Variants in B3GALT1 observed in about 807,000 individuals in gnomAD.
B3GALT1 encodes the protein UDP-Gal:betaGlcNAc beta 1,3-galactosyltransferase, polypeptide 1.
Under a neutral mutation model 23.2 loss-of-function variants are expected in B3GALT1, and 10 were observed. The ratio of observed to expected loss-of-function variants is 0.43; its 90% confidence interval spans 0.27 to 0.73. B3GALT1 has a LOEUF of 0.73. Among genes scored for constraint, B3GALT1 ranks in the 30% least tolerant of loss-of-function variants. B3GALT1 has a pLI of 0.21. For synonymous variants in B3GALT1, 156 were observed against 141.5 expected (o/e 1.10, Z -0.73); for missense variants, 299 against 405.4 (o/e 0.74, Z 2.25).
chr2:167,680,041 T>C (rs570536186), intron 3 of B3GALT1, among the ~76,000 whole-genome samples: 2 of 152,302 alleles, frequency 1.3e-5, no homozygotes, highest in African/African-American at 4.8e-5. Context: ...CTAAGTTACT[T>C]TTTTTTCCAC....
intron 1 of B3GALT1, among the ~76,000 whole-genome samples, chr2:167,475,534 G>A (rs1699474171): frequency 6.6e-6 from 1 of 151,926 alleles, no homozygotes; most frequent in Admixed American, 6.6e-5. Flanking sequence ...TGTGAAGAAG[G>A]AAAAAGAAAT....
At chr2:167,651,236 T>TTGTG (rs747590317) in intron 3 of B3GALT1, among the ~76,000 whole-genome samples, 33 of 89,410 alleles carry the variant, frequency 3.7e-4, no homozygotes, top group Middle Eastern at 4.6e-3. Flanking sequence ...AGCAGAAAGG[T>TTGTG]TGTGTGTGTG....
At chr2:167,644,770 A>G (rs74171267) in intron 2 of B3GALT1, among the ~76,000 whole-genome samples, 178 of 116,170 alleles carry the variant, frequency 1.5e-3, no homozygotes, top group Non-Finnish European at 2.5e-3. Context: ...ACAGAGTGAG[A>G]CTCTGTCTTA....
chr2:167,830,051 G>GTTT, intron 4 of B3GALT1, among the ~76,000 whole-genome samples: 1 of 152,182 alleles, frequency 6.6e-6, no homozygotes, highest in Admixed American at 6.5e-5. Context: ...TAAAAGCAGT[G>GTTT]TTTTCCTCAC....
chr2:167,622,197 C>T (rs1324778503), intron 2 of B3GALT1, among the ~76,000 whole-genome samples: 2 of 152,064 alleles, frequency 1.3e-5, no homozygotes, highest in African/African-American at 4.8e-5. Flanking sequence ...GGAAATTGAA[C>T]CACTTTAGCC....
chr2:167,683,618 G>A (rs892483771), intron 3 of B3GALT1, among the ~76,000 whole-genome samples: 25 of 152,168 alleles, frequency 1.6e-4, no homozygotes, highest in Non-Finnish European at 2.8e-4. Context: ...CTACTCAGGA[G>A]GCTGAGATGG....
In B3GALT1 at chr2:167,565,199, G is replaced by T. The variant is rs553217086; in HGVS notation, c.-410+74922G>T. 2.6e-5 allele frequency among the ~76,000 whole-genome samples: 4 copies of T among 152,200 alleles called. No homozygotes were observed. In the South Asian group the frequency reaches 6.2e-4, roughly 24 times the overall value. On this transcript the variant is annotated intron_variant, in intron 2 of 4. Transcript: ENST00000392690. ...ACAGAACAGAGCCCTCAGAAATAAT[G>T]CTGCATATCTACAACTATCTGATCT...
Position 167,627,954 on chromosome 2 carries a change from A to G in B3GALT1, c.-409-18955A>G, listed in dbSNP as rs527247900. ...AATTTGCATTCCTCTGCTGACTGAT[A>G]ATTTTGAATGACGTTTGATGTGCTT... On this transcript the variant is annotated intron_variant, in intron 2 of 4. Transcript: ENST00000392690. Among the ~76,000 whole-genome samples, 12 of 151,700 alleles carry G rather than the reference A, an allele frequency of 7.9e-5. No individual in the cohort carries two copies. The South Asian group carries it at 2.5e-3, about 31-fold the overall frequency.
chr2:167,837,620 A>G (rs1689510819), intron 4 of B3GALT1, among the ~76,000 whole-genome samples: 2 of 150,780 alleles, frequency 1.3e-5, no homozygotes, highest in South Asian at 4.2e-4. Context: ...CAGATCAACG[A>G]GACAGAAAGT....
At chr2:167,812,996 ACCCCC>A (rs59345832) in intron 3 of B3GALT1, among the ~76,000 whole-genome samples, 5 of 70,490 alleles carry the variant, frequency 7.1e-5, no homozygotes, top group East Asian at 1.4e-3. Context: ...CACCACCCCC[ACCCCC>A]CCCCACACAG....
intron 2 of B3GALT1, among the ~76,000 whole-genome samples, chr2:167,637,706 T>C (rs540388291): frequency 7.2e-5 from 11 of 152,124 alleles, no homozygotes; most frequent in South Asian, 2.1e-4. Flanking sequence ...CCCTCTGCCT[T>C]ATATGATCAA....
At chr2:167,358,786 T>A (rs1697456959) in intron 1 of B3GALT1, among the ~76,000 whole-genome samples, 1 of 152,162 alleles carries the variant, frequency 6.6e-6, no homozygotes. Flanking sequence ...CTGTAATTCT[T>A]ATTAACAATA....
chr2:167,561,184 C>G (rs542106501), intron 2 of B3GALT1, among the ~76,000 whole-genome samples: 2 of 152,334 alleles, frequency 1.3e-5, no homozygotes, highest in East Asian at 3.9e-4. Context: ...GGAAACTGAA[C>G]AACCTGCTCC....
intron 2 of B3GALT1, among the ~76,000 whole-genome samples, chr2:167,570,977 T>C (rs1330497161): frequency 3.9e-5 from 6 of 151,980 alleles, no homozygotes; most frequent in Non-Finnish European, 7.4e-5. Context: ...TCGATTCTCA[T>C]ACATAATAAC....
intron 4 of B3GALT1, among the ~76,000 whole-genome samples, chr2:167,851,479 A>G (rs1337691548): frequency 6.6e-6 from 1 of 152,196 alleles, no homozygotes. Flanking sequence ...AAAATCTGTG[A>G]GCCATGTTAT....
intron 2 of B3GALT1, among the ~76,000 whole-genome samples, chr2:167,614,424 A>G (rs555219480): frequency 6.6e-6 from 1 of 152,012 alleles, no homozygotes; most frequent in African/African-American, 2.4e-5. Context: ...TGGAAAGTCT[A>G]AATGTTTAAG....
intron 4 of B3GALT1, among the ~76,000 whole-genome samples, chr2:167,852,467 G>GGTGTGTGT (rs66820655): frequency 3.5e-3 from 508 of 146,578 alleles, no homozygotes; most frequent in Middle Eastern, 6.9e-3. Context: ...TATTCGTGAT[G>GGTGTGTGT]GTGTGTGTGT....
intron 1 of B3GALT1, among the ~76,000 whole-genome samples, chr2:167,300,057 C>G (rs926091024): frequency 6.6e-6 from 1 of 152,024 alleles, no homozygotes; most frequent in African/African-American, 2.4e-5. Context: ...TTCCCGCCAC[C>G]ACGCCTGGCT....
chr2:167,444,928 G>T (rs1478158408), intron 1 of B3GALT1, among the ~76,000 whole-genome samples: 1 of 152,056 alleles, frequency 6.6e-6, no homozygotes, highest in Non-Finnish European at 1.5e-5. Flanking sequence ...TGTTGCTCTT[G>T]CTTCTCTAGT....
Sources: allele counts gnomAD v4.1 joint callset (sites outside exome capture counted in the v4.1 genomes callset), GRCh38; gene constraint gnomAD v4.1.1; transcripts MANE v1.5; gene names NCBI Gene and HGNC (gene_info 2026-07-23, HGNC 2026-07-21).